TXNRD1: variants seen among roughly 807,000 people sequenced by gnomAD.
TXNRD1 encodes the protein thioredoxin reductase 1.
TXNRD1 carries 57 observed loss-of-function variants against 80.3 expected under a neutral mutation model. The ratio of observed to expected loss-of-function variants is 0.71; its 90% CI spans 0.57 to 0.89. TXNRD1 has a LOEUF of 0.89. Ranked by LOEUF, TXNRD1 falls within the 40% of genes least tolerant of loss-of-function variation. The pLI, the probability that TXNRD1 is intolerant of heterozygous loss-of-function variation, is 0.00. For synonymous variants in TXNRD1, 291 were observed against 285.2 expected (o/e 1.02, Z -0.20); for missense variants, 730 against 803.0 (o/e 0.91, Z 1.10).
Position 104,277,120 on chromosome 12 carries a change from G to A in TXNRD1, c.305-11811G>A, listed in dbSNP as rs185443776. Among the ~76,000 whole-genome samples, 378 of 151,650 alleles carry A rather than the reference G, an allele frequency of 2.5e-3. 3 individuals carry two copies. The highest frequency in any genetic ancestry group is 7.2e-3 in the African/African-American group (297 of 41,326). ...TTTAAATGAAGCATAGGCCGGGTGCGGTGGCTCATGACTGTAATCCCAGCA... is the reference window on the plus strand; with the variant it reads ...TTTAAATGAAGCATAGGCCGGGTGCAGTGGCTCATGACTGTAATCCCAGCA... On this transcript the variant is annotated intron_variant, in intron 3 of 16. Transcript: ENST00000525566.
intron 3 of TXNRD1, chr12:104,286,899 G>T: frequency 8.8e-7 from 1 of 1,138,426 alleles, no homozygotes; most frequent in Non-Finnish European, 1.1e-6. Context: ...ATTAGCATAG[G>T]TTGCCAGGGC....
chr12:104,249,640 T>C (rs2033069012), intron 1 of TXNRD1, among the ~76,000 whole-genome samples: 1 of 152,146 alleles, frequency 6.6e-6, no homozygotes, highest in Non-Finnish European at 1.5e-5. Flanking sequence ...AAAAGTACGA[T>C]GAAAGTGAAA....
chr12:104,265,507 G>T, intron 3 of TXNRD1: 13 of 1,611,056 alleles, frequency 8.1e-6, no homozygotes, highest in Non-Finnish European at 1.1e-5. Flanking sequence ...CTGTGGGCAG[G>T]TGTTTGAGAA....
At chr12:104,332,009 T>A (rs1279756020) in intron 14 of TXNRD1, among the ~76,000 whole-genome samples, 1 of 152,170 alleles carries the variant, frequency 6.6e-6, no homozygotes, top group East Asian at 1.9e-4. Flanking sequence ...TTTCTAATTC[T>A]GTCAGTTGAC....
chr12:104,254,687 T>C (rs2135707808), intron 2 of TXNRD1, among the ~76,000 whole-genome samples: 2 of 144,494 alleles, frequency 1.4e-5, no homozygotes, highest in East Asian at 3.9e-4. Context: ...TGCATGTGCC[T>C]GTAGTCCTAG....
At chr12:104,295,240 A>G (rs2034398553) in intron 4 of TXNRD1, among the ~76,000 whole-genome samples, 1 of 152,076 alleles carries the variant, frequency 6.6e-6, no homozygotes, top group Non-Finnish European at 1.5e-5. Context: ...TCTGTTCTTT[A>G]ATAGTAGCGT....
At chr12:104,261,999 C>T (rs1228733637) in intron 3 of TXNRD1, among the ~76,000 whole-genome samples, 5 of 151,494 alleles carry the variant, frequency 3.3e-5, no homozygotes, top group Non-Finnish European at 5.9e-5. Flanking sequence ...CCACCTGCCT[C>T]GGCCTCACAA....
At chr12:104,297,790 G>A (rs1233902901) in intron 4 of TXNRD1, among the ~76,000 whole-genome samples, 1 of 152,168 alleles carries the variant, frequency 6.6e-6, no homozygotes, top group Non-Finnish European at 1.5e-5. Context: ...TTTGATCCCT[G>A]AGTGGAGTTC....
intron 4 of TXNRD1, among the ~76,000 whole-genome samples, chr12:104,305,400 A>AT (rs1182877027): frequency 2.6e-5 from 4 of 152,186 alleles, no homozygotes; most frequent in African/African-American, 9.7e-5. Flanking sequence ...AATATGCAAC[A>AT]TTAAGACTAA....
At chr12:104,229,602 A>AT (rs1281868532) in intron 1 of TXNRD1, among the ~76,000 whole-genome samples, 3 of 89,304 alleles carry the variant, frequency 3.4e-5, no homozygotes, top group Non-Finnish European at 4.2e-5. Context: ...TATTTTATTT[A>AT]TTTTTTTTGA....
chr12:104,323,672 C>CA (rs1382274811), intron 10 of TXNRD1, among the ~76,000 whole-genome samples: 1 of 95,740 alleles, frequency 1.0e-5, no homozygotes, highest in Admixed American at 9.4e-5. Context: ...GCTGGCCGGG[C>CA]GGGGGGCTGA....
intron 2 of TXNRD1, among the ~76,000 whole-genome samples, chr12:104,253,483 A>C (rs145887058): frequency 6.6e-6 from 1 of 152,146 alleles, no homozygotes; most frequent in East Asian, 1.9e-4. Context: ...TAAATTCTAC[A>C]TGATTGGACA....
In TXNRD1 at chr12:104,265,290, C is replaced by T. The variant is rs926245218; in HGVS notation, c.304+7211C>T. On this transcript the variant is annotated intron_variant, in intron 3 of 16. Transcript: ENST00000525566. ...AAAAACTTCCTTTTGCGGGTGGCGG[C>T]GAACGCGGAGAGCACGCCATGAAGG... 4.5e-6 allele frequency: 7 copies of T among 1,571,900 alleles called. No individual in the cohort carries two copies. In the African/African-American group the frequency reaches 9.6e-5, roughly 21 times the overall value.
intron 2 of TXNRD1, among the ~76,000 whole-genome samples, chr12:104,252,498 G>A (rs1256786309): frequency 6.6e-6 from 1 of 150,796 alleles, no homozygotes; most frequent in Admixed American, 6.6e-5. Context: ...AACCATTAAC[G>A]AAGGTGAGAA....
intron 4 of TXNRD1, chr12:104,289,321 C>G: frequency 3.3e-6 from 1 of 301,152 alleles, no homozygotes; most frequent in Non-Finnish European, 6.3e-6. Flanking sequence ...CTTCCTCTTT[C>G]CCTCCCAGTT....
At chr12:104,242,445 G>A (rs1039615720) in intron 1 of TXNRD1, among the ~76,000 whole-genome samples, 19 of 151,944 alleles carry the variant, frequency 1.3e-4, no homozygotes, top group Admixed American at 2.6e-4. Flanking sequence ...CTACTTGGGA[G>A]GCTGAGGCAG....
chr12:104,282,159 A>G (rs543499690), intron 3 of TXNRD1, among the ~76,000 whole-genome samples: 143 of 152,350 alleles, frequency 9.4e-4, no homozygotes, highest in African/African-American at 3.3e-3. Flanking sequence ...GAGCTGTTAC[A>G]TATTGCTCTT....
chr12:104,323,911 A>G (rs937629080), intron 10 of TXNRD1, among the ~76,000 whole-genome samples: 16 of 152,234 alleles, frequency 1.1e-4, no homozygotes, highest in Admixed American at 4.6e-4. Context: ...TTCCTAGTAA[A>G]ATAGGGTTAC....
intron 4 of TXNRD1, among the ~76,000 whole-genome samples, chr12:104,299,298 TAATAGGTCAAG>T (rs1314749301): frequency 6.6e-6 from 1 of 151,608 alleles, no homozygotes; most frequent in Non-Finnish European, 1.5e-5. Flanking sequence ...TACTAATAGG[TAATAGGTCAAG>T]ATTGGAACCC....
Sources: allele counts gnomAD v4.1 joint callset (sites outside exome capture counted in the v4.1 genomes callset), GRCh38; gene constraint gnomAD v4.1.1; transcripts MANE v1.5; gene names NCBI Gene and HGNC (gene_info 2026-07-23, HGNC 2026-07-21).